PCDH11Y: variants seen among roughly 807,000 people sequenced by gnomAD.
PCDH11Y encodes protocadherin 11 Y-linked, also known as protocadherin-11 Y-linked.
For synonymous variants in PCDH11Y, 9 were observed against 83.6 expected (o/e 0.11, Z 4.87); for missense variants, 12 against 224.8 (o/e 0.05, Z 6.05).
chrY:5,392,573 AT>A (rs2053222520), intron 2 of PCDH11Y, among the ~76,000 whole-genome samples: 1 of 33,044 alleles, frequency 3.0e-5, no homozygotes, highest in Non-Finnish European at 7.4e-5. Context: ...AAGTATCTTA[AT>A]GATATTTAAT....
chrY:5,107,032 T>C, downstream of PCDH11Y, among the ~76,000 whole-genome samples: 1 of 31,636 alleles, frequency 3.2e-5, no homozygotes, highest in Non-Finnish European at 7.7e-5. Flanking sequence ...GTGTCATGAC[T>C]AGCCTGGCCT....
chrY:5,326,973 CTG>C (rs2053122150), intron 2 of PCDH11Y, among the ~76,000 whole-genome samples: 1 of 33,074 alleles, frequency 3.0e-5, no homozygotes, highest in African/African-American at 1.2e-4. Flanking sequence ...AGAATTCTGA[CTG>C]CACTAACCAT....
At chrY:5,253,851 G>A in intron 2 of PCDH11Y, among the ~76,000 whole-genome samples, 2 of 32,783 alleles carry the variant, frequency 6.1e-5, no homozygotes, top group African/African-American at 1.2e-4. Context: ...ACCACCTCCC[G>A]TGGGTAATGA....
At chrY:5,446,552 CAT>C (rs2053287881) in intron 2 of PCDH11Y, among the ~76,000 whole-genome samples, 101 of 33,494 alleles carry the variant, frequency 3.0e-3, no homozygotes, top group Non-Finnish European at 7.4e-5. Flanking sequence ...TGCATGCACA[CAT>C]GTGTGCATTC....
chrY:5,146,899 C>A, intron 2 of PCDH11Y, among the ~76,000 whole-genome samples: 1 of 21,138 alleles, frequency 4.7e-5, no homozygotes, highest in Non-Finnish European at 1.1e-4. Context: ...ATAAAGCAGG[C>A]AGAGGAAGGT....
chrY:5,722,316 T>A, intron 4 of PCDH11Y, among the ~76,000 whole-genome samples: 1 of 31,857 alleles, frequency 3.1e-5, no homozygotes, highest in Non-Finnish European at 7.7e-5. Flanking sequence ...TATATTCAGA[T>A]CTTATTTTTT....
chrY:5,677,091 G>T, intron 4 of PCDH11Y, among the ~76,000 whole-genome samples: 1 of 31,063 alleles, frequency 3.2e-5, no homozygotes. Flanking sequence ...GTTCTGCATT[G>T]CTGGGGAGAC....
At chrY:5,724,385 G>T (rs2124714427) in intron 4 of PCDH11Y, among the ~76,000 whole-genome samples, 9 of 33,814 alleles carry the variant, frequency 2.7e-4, no homozygotes, top group Admixed American at 2.4e-3. Context: ...AACAACAAGA[G>T]AAATTCCAAA....
At chrY:5,355,527 T>C in intron 2 of PCDH11Y, among the ~76,000 whole-genome samples, 1 of 30,450 alleles carries the variant, frequency 3.3e-5, no homozygotes, top group Non-Finnish European at 7.8e-5. Context: ...TTTGCACAGA[T>C]ACCCTGCTAC....
chrY:5,185,082 G>A, intron 2 of PCDH11Y, among the ~76,000 whole-genome samples: 3 of 31,988 alleles, frequency 9.4e-5, no homozygotes, highest in Non-Finnish European at 2.3e-4. Flanking sequence ...TTGTTTGTTT[G>A]TTGTTGTTGT....
intron 2 of PCDH11Y, among the ~76,000 whole-genome samples, chrY:5,303,786 T>C (rs2053086415): frequency 3.0e-5 from 1 of 33,243 alleles, no homozygotes; most frequent in African/African-American, 1.2e-4. Flanking sequence ...GCTTCACAGA[T>C]AGAGTTGATT....
intron 2 of PCDH11Y, among the ~76,000 whole-genome samples, chrY:5,382,207 G>T (rs1602915858): frequency 3.0e-5 from 1 of 33,510 alleles, no homozygotes; most frequent in Non-Finnish European, 7.4e-5. Context: ...CTATTAGAGA[G>T]CTAAAGTCCC....
intron 4 of PCDH11Y, among the ~76,000 whole-genome samples, chrY:5,710,672 C>T: frequency 3.0e-5 from 1 of 33,222 alleles, no homozygotes; most frequent in African/African-American, 1.2e-4. Flanking sequence ...TCTTGCTTTA[C>T]ATCCTTGAGA....
At chrY:5,208,110 A>G (rs2052934244) in intron 2 of PCDH11Y, 1 of 152,767 alleles carries the variant, frequency 6.5e-6, no homozygotes, top group Admixed American at 9.8e-5. Context: ...GGAGGTGGCT[A>G]TGGCCGGGGC....
chrY:5,242,548 C>G (rs2052989799), intron 2 of PCDH11Y, among the ~76,000 whole-genome samples: 1 of 24,338 alleles, frequency 4.1e-5, no homozygotes, highest in Non-Finnish European at 9.2e-5. Context: ...AATATTCAGA[C>G]TTTACTAGTT....
chrY:5,135,468 G>A, intron 2 of PCDH11Y, among the ~76,000 whole-genome samples: 1 of 33,218 alleles, frequency 3.0e-5, no homozygotes, highest in Admixed American at 2.7e-4. Context: ...GACTGGCCTC[G>A]CCAACTGCAT....
At chrY:5,280,810 G>A (rs1432285270) in intron 2 of PCDH11Y, among the ~76,000 whole-genome samples, 1 of 33,256 alleles carries the variant, frequency 3.0e-5, no homozygotes, top group African/African-American at 1.2e-4. Context: ...GCACTCTGGT[G>A]TGAGATGGTA....
intron 2 of PCDH11Y, among the ~76,000 whole-genome samples, chrY:5,415,704 G>A: frequency 3.4e-5 from 1 of 29,190 alleles, no homozygotes; most frequent in Middle Eastern, 0.014. Flanking sequence ...GGGCGTCCCT[G>A]GCAGTACTTG....
At chrY:5,165,677 G>A in intron 2 of PCDH11Y, among the ~76,000 whole-genome samples, 1 of 32,474 alleles carries the variant, frequency 3.1e-5, no homozygotes, top group Non-Finnish European at 7.6e-5. Context: ...TAAACACAAA[G>A]GAATCACACA....
Sources: allele counts gnomAD v4.1 joint callset (sites outside exome capture counted in the v4.1 genomes callset), GRCh38; gene constraint gnomAD v4.1.1; transcripts MANE v1.5; gene names NCBI Gene and HGNC (gene_info 2026-07-23, HGNC 2026-07-21).